Variants in SLCO3A1 observed in about 807,000 individuals in gnomAD.
SLCO3A1 encodes the protein PGE1 transporter.
SLCO3A1 carries 27 observed loss-of-function variants against 63.1 expected under a neutral mutation model. The ratio of observed to expected loss-of-function variants is 0.43; its 90% CI spans 0.32 to 0.59. The LOEUF (loss-of-function observed/expected upper bound fraction) is 0.59, where lower values mean the gene tolerates loss of function less well. Among genes scored for constraint, SLCO3A1 ranks in the 20% least tolerant of loss-of-function variants. The probability of loss-of-function intolerance (pLI) is 0.09; values close to 1 mark genes in which losing one functional copy is unlikely to be tolerated. For synonymous variants in SLCO3A1, 473 were observed against 409.9 expected (o/e 1.15, Z -1.86); for missense variants, 773 against 945.8 (o/e 0.82, Z 2.40).
At chr15:92,078,215 G>A (rs1319832960) in intron 2 of SLCO3A1, among the ~76,000 whole-genome samples, 1 of 152,228 alleles carries the variant, frequency 6.6e-6, no homozygotes, top group Non-Finnish European at 1.5e-5. Context: ...TAGTGAATGA[G>A]AGTGAGAAAT....
chr15:92,092,862 G>T (rs1276927020), intron 2 of SLCO3A1, among the ~76,000 whole-genome samples: 4 of 152,114 alleles, frequency 2.6e-5, no homozygotes, highest in Admixed American at 1.3e-4. Context: ...CCTCTCCAAA[G>T]TGACACATTT....
chr15:91,907,099 G>A lies in SLCO3A1; in HGVS notation c.181-8894G>A, dbSNP rs183545961. Among the ~76,000 whole-genome samples, 5 of 152,292 alleles carry A rather than the reference G, an allele frequency of 3.3e-5. No individual in the cohort carries two copies. The East Asian group carries it at 9.6e-4, about 29-fold the overall frequency. Reference sequence around the variant, plus strand: ...GGGAGATGAGAGAAACTAAGAAATGGAGTATAGAGGAAACAGTAGCCTGAG... The same window carrying A: ...GGGAGATGAGAGAAACTAAGAAATGAAGTATAGAGGAAACAGTAGCCTGAG... On this transcript the variant is annotated intron_variant, in intron 1 of 9. Transcript: ENST00000318445.
At chr15:91,870,093 C>T (rs954068246) in intron 1 of SLCO3A1, among the ~76,000 whole-genome samples, 1 of 152,170 alleles carries the variant, frequency 6.6e-6, no homozygotes, top group African/African-American at 2.4e-5. Flanking sequence ...GTTAGAAGAG[C>T]AGATGCTTTT....
At chr15:91,987,946 G>T (rs77305687) in intron 2 of SLCO3A1, among the ~76,000 whole-genome samples, 6,010 of 152,008 alleles carry the variant, frequency 0.04, 256 homozygotes, top group African/African-American at 0.1. Flanking sequence ...GGGATTTGCC[G>T]GCAAAGGATT....
chr15:91,996,814 C>T (rs2046197604), intron 2 of SLCO3A1, among the ~76,000 whole-genome samples: 1 of 152,114 alleles, frequency 6.6e-6, no homozygotes, highest in Non-Finnish European at 1.5e-5. Context: ...CAGATCCCTA[C>T]TGCATACCAC....
At chr15:91,961,476 A>G (rs1427422927) in intron 2 of SLCO3A1, among the ~76,000 whole-genome samples, 3 of 152,250 alleles carry the variant, frequency 2.0e-5, no homozygotes, top group African/African-American at 7.2e-5. Flanking sequence ...AACAGGGCAT[A>G]TGTCAGGCAA....
intron 2 of SLCO3A1, among the ~76,000 whole-genome samples, chr15:92,048,317 G>A (rs112691222): frequency 2.8e-4 from 43 of 152,050 alleles, no homozygotes; most frequent in African/African-American, 8.4e-4. Flanking sequence ...TTGTGCTGCC[G>A]TCCCTCTCTC....
Position 91,859,442 on chromosome 15 carries a change from A to G in SLCO3A1, c.180+5354A>G, listed in dbSNP as rs1228400499. Among the ~76,000 whole-genome samples, 1 of 152,240 alleles carries G rather than the reference A, an allele frequency of 6.6e-6. No homozygotes were observed. The highest frequency in any genetic ancestry group is 6.5e-5 in the Admixed American group (1 of 15,288). ...ATTCAAAGACACTTGTATTTTATGTAGCCTAAGTGTTTATGTGTTAGCATG... is the reference window on the plus strand; with the variant it reads ...ATTCAAAGACACTTGTATTTTATGTGGCCTAAGTGTTTATGTGTTAGCATG... On this transcript the variant is annotated intron_variant, in intron 1 of 9. Coordinates refer to ENST00000318445, the MANE Select transcript of SLCO3A1 (RefSeq NM_013272.4). The surrounding 1 kb of genome is among the most constrained non-coding windows in gnomAD (Gnocchi z 5.1).
chr15:91,935,360 T>G, intron 2 of SLCO3A1, among the ~76,000 whole-genome samples: 1 of 152,150 alleles, frequency 6.6e-6, no homozygotes, highest in East Asian at 1.9e-4. Flanking sequence ...AAATGTGGTG[T>G]AATTCTCCTC....
At chr15:92,124,393 C>T (rs1382608543) in intron 5 of SLCO3A1, among the ~76,000 whole-genome samples, 1 of 152,142 alleles carries the variant, frequency 6.6e-6, no homozygotes. Flanking sequence ...CCATGGTTAC[C>T]ATCCTTGACA....
intron 2 of SLCO3A1, among the ~76,000 whole-genome samples, chr15:92,076,683 G>T (rs929356512): frequency 6.6e-6 from 1 of 152,184 alleles, no homozygotes; most frequent in Non-Finnish European, 1.5e-5. Context: ...ACACCAGCCA[G>T]GGCAATCCCC....
At chr15:92,025,647 G>T (rs1720843965) in intron 2 of SLCO3A1, among the ~76,000 whole-genome samples, 1 of 152,192 alleles carries the variant, frequency 6.6e-6, no homozygotes, top group African/African-American at 2.4e-5. Context: ...GGCTGGACAT[G>T]AGGCTATGAT....
chr15:92,170,094 CCCATT>C (rs1279898436), downstream of SLCO3A1, among the ~76,000 whole-genome samples: 8 of 152,180 alleles, frequency 5.3e-5, no homozygotes, highest in Non-Finnish European at 7.4e-5. Flanking sequence ...CACTTACCAT[CCCATT>C]CATGTTTTTC....
At chr15:92,154,139 GAGATGGTGCTCGCA>G (rs1489521612) in intron 9 of SLCO3A1, among the ~76,000 whole-genome samples, 1 of 152,208 alleles carries the variant, frequency 6.6e-6, no homozygotes, top group Non-Finnish European at 1.5e-5. Flanking sequence ...GGCTCGTGCC[GAGATGGTGCTCGCA>G]GGATGGGGAG....
At chr15:91,868,111 G>A (rs1897210238) in intron 1 of SLCO3A1, among the ~76,000 whole-genome samples, 2 of 152,100 alleles carry the variant, frequency 1.3e-5, no homozygotes, top group South Asian at 4.1e-4. Flanking sequence ...GAGTGCATTG[G>A]TGGGATCTCG....
intron 2 of SLCO3A1, among the ~76,000 whole-genome samples, chr15:92,029,027 G>C (rs2046613314): frequency 6.6e-6 from 1 of 151,172 alleles, no homozygotes; most frequent in African/African-American, 2.4e-5. Flanking sequence ...GTTTCCTTCA[G>C]GCCCCAGAGG....
At chr15:92,047,878 C>A (rs1393093393) in intron 2 of SLCO3A1, among the ~76,000 whole-genome samples, 1 of 151,456 alleles carries the variant, frequency 6.6e-6, no homozygotes, top group Non-Finnish European at 1.5e-5. Context: ...AGGCCTGAGT[C>A]CATCTTTCTC....
rs986354679 is a variant in SLCO3A1, at chr15:91,872,497, G to A, written c.180+18409G>A. ...TGCAGTGAGCCGAGACCATGCCACC[G>A]CACTCCAGCCAGGGCAACAAAATGA... On this transcript the variant is annotated intron_variant, in intron 1 of 9. Coordinates refer to ENST00000318445, the MANE Select transcript of SLCO3A1 (RefSeq NM_013272.4). This position sits in a 1 kb window ranked among gnomAD's most constrained non-coding sequence, Gnocchi z 4.1. 1.3e-5 allele frequency among the ~76,000 whole-genome samples: 2 copies of A among 151,482 alleles called. No homozygotes were observed. The highest frequency in any genetic ancestry group is 2.1e-4 in the South Asian group (1 of 4,814).
chr15:92,152,722 A>G (rs1431541611), intron 9 of SLCO3A1, among the ~76,000 whole-genome samples: 1 of 152,168 alleles, frequency 6.6e-6, no homozygotes, highest in Non-Finnish European at 1.5e-5. Flanking sequence ...GCAAATGGTA[A>G]AGCCATTCCA....
Sources: gnomAD v4.1 joint callset for allele counts (sites outside exome capture counted in the v4.1 genomes callset) on GRCh38, gnomAD v4.1.1 for gene constraint, Gnocchi (gnomAD v3.1) non-coding constraint, MANE v1.5 for transcripts, NCBI Gene and HGNC (gene_info 2026-07-23, HGNC 2026-07-21) for gene names.